Variants in GOLGA4 observed in about 807,000 individuals in gnomAD.
GOLGA4 encodes golgin subfamily A member 4.
GOLGA4 carries 169 observed loss-of-function variants against 265.9 expected under a neutral mutation model. That is an observed-to-expected ratio of 0.64 (90% CI 0.56 to 0.72). GOLGA4 has a LOEUF of 0.72. Ranked by LOEUF, GOLGA4 falls within the 30% of genes least tolerant of loss-of-function variation. The pLI, the probability that GOLGA4 is intolerant of heterozygous loss-of-function variation, is 0.00. For synonymous variants in GOLGA4, 923 were observed against 855.8 expected, an observed-to-expected ratio of 1.08 and a Z score of -1.37; for missense variants, 2,482 against 2,483.4, an observed-to-expected ratio of 1.00 and a Z score of 0.01.
At chr3:37,275,881 A>T in intron 2 of GOLGA4, 3 of 1,613,814 alleles carry the variant, frequency 1.9e-6, no homozygotes, top group Non-Finnish European at 2.5e-6. Context: ...AGGAAGTTAC[A>T]TCTTTGGCAA....
chr3:37,328,280 ACTCTCT>A lies in GOLGA4; in HGVS notation c.5940-120_5940-115del, dbSNP rs5847960. 1.2e-3 allele frequency: 839 copies of A among 681,334 alleles called. 1 individual carries two copies. Among genetic ancestry groups the A allele is most frequent in the Non-Finnish European group, 1.8e-3 (719 of 398,534 alleles). The allele number at this position is 681,334 out of a possible 1,614,324, so 42.2% of individuals were successfully genotyped here. A position where few individuals can be genotyped will look rare whatever the true frequency, so the allele number is the denominator to read the frequency against. On this transcript the variant is annotated intron_variant, in intron 14 of 23. Coordinates refer to ENST00000361924, the MANE Select transcript of GOLGA4 (RefSeq NM_002078.5). The stretch of plus-strand genomic sequence containing the variant: ...CACACACACACACACTCACTCTCAC[ACTCTCT>A]CTCTCTCTCTCTCTCAAAAATGTTT...
intron 20 of GOLGA4, among the ~76,000 whole-genome samples, chr3:37,342,476 ACTTTT>A: frequency 6.6e-6 from 1 of 152,150 alleles, no homozygotes; most frequent in East Asian, 1.9e-4. Context: ...GTTTCCCCTG[ACTTTT>A]CTTAATCATT....
At chr3:37,286,862 G>A (rs896955081) in intron 4 of GOLGA4, among the ~76,000 whole-genome samples, 6 of 152,182 alleles carry the variant, frequency 3.9e-5, no homozygotes, top group Non-Finnish European at 5.9e-5. Flanking sequence ...GATTAAGTAT[G>A]TAGGGATAAG....
chr3:37,243,320 G>C lies in GOLGA4; in HGVS notation c.-231G>C, dbSNP rs934922641. 6 of 566,560 alleles carry C rather than the reference G, an allele frequency of 1.1e-5. No homozygotes were observed. The South Asian group carries it at 1.1e-4, about 11-fold the overall frequency. 35.1% of individuals were successfully genotyped at this position (566,560 alleles called of 1,614,324 possible). A position where few individuals can be genotyped will look rare whatever the true frequency, so the allele number is the denominator to read the frequency against. Reference sequence around the variant, plus strand: ...GCCGCCGCGGCTCCCGGGGCTGGATGGGGGGCCGAGGCCAGCCAGTGGCAC... The same window carrying C: ...GCCGCCGCGGCTCCCGGGGCTGGATCGGGGGCCGAGGCCAGCCAGTGGCAC... On this transcript the variant is annotated 5_prime_UTR_variant, in exon 1 of 24. The change abolishes an upstream ATG in the 5' untranslated region. Transcript: ENST00000361924.
At chr3:37,330,074 A>G (rs1228486856) in intron 16 of GOLGA4, among the ~76,000 whole-genome samples, 1 of 152,122 alleles carries the variant, frequency 6.6e-6, no homozygotes, top group African/African-American at 2.4e-5. Flanking sequence ...GAAAAGATTT[A>G]AATAATTTCA....
chr3:37,356,830 G>A (rs570924790), intron 22 of GOLGA4, among the ~76,000 whole-genome samples: 1 of 152,146 alleles, frequency 6.6e-6, no homozygotes, highest in East Asian at 1.9e-4. Context: ...TTTCATAGCT[G>A]CTTTATCATC....
At chr3:37,295,690 A>G (rs531532727) in intron 6 of GOLGA4, among the ~76,000 whole-genome samples, 1 of 152,262 alleles carries the variant, frequency 6.6e-6, no homozygotes, top group Non-Finnish European at 1.5e-5. Flanking sequence ...TCTGTTTTAA[A>G]TAAAGTACAA....
At chr3:37,328,877 GA>G in intron 15 of GOLGA4, 85 bp from the exon 16 acceptor site, 1 of 1,070,942 alleles carries the variant, frequency 9.3e-7, no homozygotes, top group South Asian at 1.8e-5. Flanking sequence ...AAATTAATTG[GA>G]ATGAGAGTTG....
chr3:37,351,297 C>G lies in GOLGA4; in HGVS notation c.6577-3804C>G, dbSNP rs183151294. On this transcript the variant is annotated intron_variant, in intron 21 of 23. Transcript: ENST00000361924. ...TGAGATTGCAGCAATCCAGTCATGT[C>G]TTCAGGCTCTGCTTCTAATTCTGGT... is the stretch of plus-strand genomic sequence containing the variant. Among the ~76,000 whole-genome samples, 442 of 152,276 alleles carry G rather than the reference C, an allele frequency of 2.9e-3. 3 individuals are homozygous for G. The highest frequency in any genetic ancestry group is 0.01 in the African/African-American group (431 of 41,568).
chr3:37,266,494 G>A (rs1215552324), intron 2 of GOLGA4, among the ~76,000 whole-genome samples: 1 of 152,094 alleles, frequency 6.6e-6, no homozygotes, highest in African/African-American at 2.4e-5. Context: ...CACTGCGCCC[G>A]GCCCATGTAT....
At chr3:37,340,085 C>T in intron 19 of GOLGA4, 39 bp from the exon 20 acceptor site, 1 of 829,872 alleles carries the variant, frequency 1.2e-6, no homozygotes, top group Admixed American at 2.1e-5. Context: ...TACAGTTTCC[C>T]TGTGAATCTT....
At chr3:37,345,901 C>G (rs897738017) in intron 20 of GOLGA4, among the ~76,000 whole-genome samples, 1 of 151,282 alleles carries the variant, frequency 6.6e-6, no homozygotes, top group South Asian at 2.1e-4. Flanking sequence ...GAGCCACCAT[C>G]GCGCCACTGC....
chr3:37,269,925 G>A (rs201435088), intron 2 of GOLGA4, among the ~76,000 whole-genome samples: 2 of 114,074 alleles, frequency 1.8e-5, no homozygotes, highest in Non-Finnish European at 3.3e-5. Flanking sequence ...GCAGAGTCTC[G>A]CTCTGTCACC....
rs79641270 is a variant in GOLGA4 at position 37,246,794 on chromosome 3, A to G, written c.72+3172A>G. 6.1e-3 allele frequency among the ~76,000 whole-genome samples: 922 copies of G among 152,318 alleles called. 12 individuals carry two copies. Among genetic ancestry groups the G allele is most frequent in the African/African-American group, 0.021 (887 of 41,546 alleles). ...TGTTATGTATATTTTTAAAAAATCAACATATACGCCCCTCCTTATGCCTGC... is the reference window on the plus strand; with the variant it reads ...TGTTATGTATATTTTTAAAAAATCAGCATATACGCCCCTCCTTATGCCTGC... On this transcript the variant is annotated intron_variant, in intron 1 of 23. Transcript: ENST00000361924.
chr3:37,363,931 A>G (rs756659669), intron 23 of GOLGA4, among the ~76,000 whole-genome samples: 14 of 152,208 alleles, frequency 9.2e-5, no homozygotes, highest in Non-Finnish European at 1.8e-4. Flanking sequence ...CCCACAACAG[A>G]TCAAGCTACG....
chr3:37,306,501 CTGTGTGTGTGTG>C (rs35641880), intron 10 of GOLGA4, among the ~76,000 whole-genome samples: 50 of 140,214 alleles, frequency 3.6e-4, no homozygotes, highest in Non-Finnish European at 5.7e-4. Flanking sequence ...TGGCTGTTCT[CTGTGTGTGTGTG>C]TGTGTGTGTG....
intron 20 of GOLGA4, among the ~76,000 whole-genome samples, chr3:37,343,183 G>A (rs575720443): frequency 5.9e-5 from 9 of 152,168 alleles, no homozygotes; most frequent in East Asian, 5.8e-4. Context: ...GCGCAATGGC[G>A]CGATCTCAGC....
At position 37,329,061 on chromosome 3, in the gene GOLGA4, C is replaced by T. The variant is rs1008860722; in HGVS notation, c.6160C>T (p.Arg2054Ter). 9 of 1,609,610 alleles carry T rather than the reference C, an allele frequency of 5.6e-6. No homozygotes were observed. Among genetic ancestry groups the T allele is most frequent in the African/African-American group, 1.3e-5 (1 of 74,662 alleles). Reference sequence around the variant, plus strand: ...TGCTGAGAAAGATGATGATCTAAAACGAACAGCCAAAAGATATGAAGAAAT... The same window carrying T: ...TGCTGAGAAAGATGATGATCTAAAATGAACAGCCAAAAGATATGAAGAAAT... ...KIAEKDDDLK[R>*]TAKRYEEILD... is the part of the protein sequence containing the mutation. Residue 2054 changes from arginine (R) to a stop codon, truncating the protein, a stop_gained, in exon 16 of 24, where the codon CGA becomes TGA. Transcript: ENST00000361924. LOFTEE classifies it high-confidence loss of function.
At chr3:37,347,090 C>A in intron 20 of GOLGA4, 103 bp from the exon 21 acceptor site, 1 of 652,812 alleles carries the variant, frequency 1.5e-6, no homozygotes, top group African/African-American at 1.9e-5. Flanking sequence ...TAAAAGCATG[C>A]CTCTCTTTGT....
Sources: gnomAD v4.1 joint callset for allele counts (sites outside exome capture counted in the v4.1 genomes callset) on GRCh38, gnomAD v4.1.1 for gene constraint, MANE v1.5 for transcripts, NCBI Gene and HGNC (gene_info 2026-07-23, HGNC 2026-07-21) for gene names.